NOXO1: variants seen among roughly 807,000 people sequenced by gnomAD.
NOXO1 encodes NADPH oxidase organizer 1, also known as NADPH oxidase regulatory protein.
NOXO1 carries 38 observed loss-of-function variants against 33.3 expected under a neutral mutation model. That is an observed-to-expected ratio of 1.14 (90% CI 0.88 to 1.50). The LOEUF (loss-of-function observed/expected upper bound fraction) is 1.50, where lower values mean the gene tolerates loss of function less well. Ranked by LOEUF, NOXO1 falls within the 40% of genes most tolerant of loss-of-function variation. The pLI is 0.00. For synonymous variants in NOXO1, 302 were observed against 237.3 expected, an observed-to-expected ratio of 1.27 and a Z score of -2.51; for missense variants, 675 against 527.1, an observed-to-expected ratio of 1.28 and a Z score of -2.75.
At chr16:1,979,967 G>A in intron 5 of NOXO1, 30 bp downstream of exon 5, 1 of 1,589,096 alleles carries the variant, frequency 6.3e-7, no homozygotes, top group Non-Finnish European at 8.6e-7. Flanking sequence ...GAGCAGAGGA[G>A]CAAATCCCTG....
chr16:1,980,879 G>T (rs369073249), intron 2 of NOXO1, 60 bp downstream of exon 2: 1 of 1,514,754 alleles, frequency 6.6e-7, no homozygotes, highest in Non-Finnish European at 9.1e-7. Flanking sequence ...GCAGTCCAGT[G>T]GGAGGCAGCC....
Position 1,978,956 on chromosome 16 carries a change from C to A in NOXO1, c.*96G>T. ...CTTTACTCAGAGGAACAGCAAATGG[C>A]CCCCTCCCATCCCTGCTGGCCAGGG... On this transcript the variant is annotated 3_prime_UTR_variant, in exon 8 of 8. Coordinates refer to ENST00000356120, the MANE Select transcript of NOXO1 (RefSeq NM_172167.3). 1 of 1,262,828 alleles carries A rather than the reference C, an allele frequency of 7.9e-7. No individual in the cohort carries two copies. Among genetic ancestry groups the A allele is most frequent in the Non-Finnish European group, 1.1e-6 (1 of 923,762 alleles). 78.2% of individuals were successfully genotyped at this position (1,262,828 alleles called of 1,614,324 possible).
rs1276417046 is a variant in NOXO1, at chr16:1,979,320, G to A, written c.848C>T (p.Ala283Val). Reference sequence around the variant, plus strand: ...CAGCCCTTCCGGCCGCAGCAGCACCGCGGGGAGTAGGCCCGCCCGGTCGCC... The same window carrying A: ...CAGCCCTTCCGGCCGCAGCAGCACCACGGGGAGTAGGCCCGCCCGGTCGCC... ...RYGDRAGLLP[A>V]VLLRPEGLGA... Residue 283 changes from alanine (A) to valine (V), a missense_variant, in exon 8 of 8, where the codon GCG becomes GTG. Physicochemically the swap from Ala to Val is moderately conservative, Grantham distance 64 (BLOSUM62 0). Transcript: ENST00000356120. 4 of 1,573,158 alleles carry A rather than the reference G, an allele frequency of 2.5e-6. No homozygotes were observed. The highest frequency in any genetic ancestry group is 2.6e-6 in the Non-Finnish European group (3 of 1,167,194).
At chr16:1,979,758 T>G (rs528933783) in intron 6 of NOXO1, 32 bp downstream of exon 6, 1 of 1,450,340 alleles carries the variant, frequency 6.9e-7, no homozygotes, top group East Asian at 2.5e-5. Context: ...CAAGCCGCAG[T>G]GGTGGCGTGA....
intron 3 of NOXO1, 36 bp from the exon 4 acceptor site, chr16:1,980,580 C>T: frequency 6.3e-7 from 1 of 1,595,748 alleles, no homozygotes; most frequent in Non-Finnish European, 8.5e-7. Context: ...TGATACGCCG[C>T]TTTGGGCTTC....
In NOXO1 at chr16:1,979,179, G is replaced by T; in HGVS notation, c.989C>A (p.Pro330His). 6.9e-7 allele frequency: 1 copy of T among 1,458,126 alleles called. No homozygotes were observed. Among genetic ancestry groups the T allele is most frequent in the East Asian group, 2.7e-5 (1 of 37,500 alleles). 90.3% of individuals were successfully genotyped at this position (1,458,126 alleles called of 1,614,324 possible). A position where few individuals can be genotyped will look rare whatever the true frequency, so the allele number is the denominator to read the frequency against. The change falls in exon 8 of 8, where the codon CCT becomes CAT. Residue 330 changes from proline (P) to histidine (H), a missense_variant. Pro to His is a moderately conservative substitution (Grantham distance 77). Transcript: ENST00000356120. ...TAPPPTVPTR[P>H]SPGAIQSRCC... The stretch of plus-strand genomic sequence containing the variant: ...GCGGCTCTGGATGGCGCCCGGCGAA[G>T]GTCGGGTGGGCACGGTGGGGGGAGG...
rs1370531793 is a variant in NOXO1, at chr16:1,979,317, A to G, written c.851T>C (p.Val284Ala). The G allele has an allele frequency of 1.9e-6, 3 of 1,573,238 alleles. No homozygotes were observed. The highest frequency in any genetic ancestry group is 3.5e-5 in the Admixed American group (2 of 57,170). ...YGDRAGLLPA[V>A]LLRPEGLGAL... is the part of the protein sequence containing the mutation. ...GCCCAGCCCTTCCGGCCGCAGCAGC[A>G]CCGCGGGGAGTAGGCCCGCCCGGTC... The change falls in exon 8 of 8, where the codon GTG (valine) becomes GCG (alanine). Residue 284 changes from valine to alanine, a missense_variant. By Grantham distance (64) the Val-to-Ala change is moderately conservative (BLOSUM62 0). Coordinates refer to ENST00000356120, the MANE Select transcript of NOXO1 (RefSeq NM_172167.3).
At position 1,980,001 on chromosome 16, in the gene NOXO1, G is replaced by C. The variant is rs2083465727; in HGVS notation, c.582C>G (p.Pro194=). 2 of 1,602,514 alleles carry C rather than the reference G, an allele frequency of 1.2e-6. No homozygotes were observed. The highest frequency in any genetic ancestry group is 1.3e-5 in the African/African-American group (1 of 74,806). The change falls in exon 5 of 8, where the codon CCC becomes CCG. Residue 194 remains proline (P), a synonymous_variant. Transcript: ENST00000356120. The part of the protein sequence containing the change: ...QESLDVLLRH[P]SGWWLVENED... Reference sequence around the variant, plus strand: ...TGGGTTCTTGGGGGGCCCTACCTGAGGGGTGCCGCAGCAGCACGTCCAGGC... The same window carrying C: ...TGGGTTCTTGGGGGGCCCTACCTGACGGGTGCCGCAGCAGCACGTCCAGGC...
chr16:1,980,072 T>C lies in NOXO1; in HGVS notation c.511A>G (p.Thr171Ala). 1 of 1,607,806 alleles carries C rather than the reference T, an allele frequency of 6.2e-7. No homozygotes were observed. The highest frequency in any genetic ancestry group is 1.1e-5 in the South Asian group (1 of 90,118). ...AAAGGCCTATCCCGCGTGTCCTGGG[T>C]ACAGAAGGGCTGCAGGCAGCGCAGG... is the stretch of plus-strand genomic sequence containing the variant. ...QSLRCLQPFCTQDTRDRPFQA... is the reference protein window; with the variant it reads ...QSLRCLQPFCAQDTRDRPFQA... Residue 171 changes from threonine to alanine, a missense_variant, in exon 5 of 8, where the codon ACC (threonine) becomes GCC (alanine). Physicochemically the swap from Thr to Ala is moderately conservative, Grantham distance 58. Coordinates refer to ENST00000356120, the MANE Select transcript of NOXO1 (RefSeq NM_172167.3).
rs1567330679 is a variant in NOXO1, at chr16:1,980,083, T to G, written c.500A>C (p.Gln167Pro). Reference protein sequence around the residue: ...SLEAQSLRCLQPFCTQDTRDR... With the variant: ...SLEAQSLRCLPPFCTQDTRDR... Reference sequence around the variant, plus strand: ...CCGCGTGTCCTGGGTACAGAAGGGCTGCAGGCAGCGCAGGCTCTGAGCCTC... The same window carrying G: ...CCGCGTGTCCTGGGTACAGAAGGGCGGCAGGCAGCGCAGGCTCTGAGCCTC... The change falls in exon 5 of 8, where the codon CAG (glutamine) becomes CCG (proline). Residue 167 changes from glutamine (Q) to proline (P), a missense_variant. Transcript: ENST00000356120. 1.2e-6 allele frequency: 2 copies of G among 1,607,178 alleles called. No homozygotes were observed.
Position 1,981,146 on chromosome 16 carries a change from C to A in NOXO1, c.34G>T (p.Gly12Trp). The change falls in exon 1 of 8, where the codon GGG becomes TGG. Residue 12 changes from glycine to tryptophan, a missense_variant. Physicochemically the swap from Gly to Trp is radical, Grantham distance 184 (BLOSUM62 -2). Transcript: ENST00000356120. ...CTCTTGATCTGCACCAGGGCTGCCC[C>A]TTGCACTGAAACTGGGTATCGGGGG... ...AGPRYPVSVQ[G>W]AALVQIKRLQ... 6.2e-7 allele frequency: 1 copy of A among 1,613,590 alleles called. No individual in the cohort carries two copies. Among genetic ancestry groups the A allele is most frequent in the Non-Finnish European group, 8.5e-7 (1 of 1,180,018 alleles).
In NOXO1 at chr16:1,979,169, G is replaced by T. The variant is rs1271373625; in HGVS notation, c.999C>A (p.Gly333=). The T allele has an allele frequency of 1.4e-6, 2 of 1,457,584 alleles. No homozygotes were observed. The highest frequency in any genetic ancestry group is 1.4e-5 in the South Asian group (1 of 73,600). 90.3% of individuals were successfully genotyped at this position (1,457,584 alleles called of 1,614,324 possible). A position where few individuals can be genotyped will look rare whatever the true frequency, so the allele number is the denominator to read the frequency against. ...CGGTGCAGCAGCGGCTCTGGATGGCGCCCGGCGAAGGTCGGGTGGGCACGG... is the reference window on the plus strand; with the variant it reads ...CGGTGCAGCAGCGGCTCTGGATGGCTCCCGGCGAAGGTCGGGTGGGCACGG... ...PPTVPTRPSP[G]AIQSRCCTVT... Residue 333 remains glycine (G), a synonymous_variant, in exon 8 of 8, where the codon GGC becomes GGA. Transcript: ENST00000356120.
At position 1,981,255 on chromosome 16, in the gene NOXO1, G is replaced by C; in HGVS notation, c.-76C>G. 1 of 1,593,336 alleles carries C rather than the reference G, an allele frequency of 6.3e-7. No individual in the cohort carries two copies. Among genetic ancestry groups the C allele is most frequent in the Non-Finnish European group, 8.5e-7 (1 of 1,170,700 alleles). ...CCTCCCCGTGCTTGAGAGGGCTCTG[G>C]GGGACCCAGAAAACCCCCTGGGATA... On this transcript the variant is annotated 5_prime_UTR_variant, in exon 1 of 8. Transcript: ENST00000356120.
rs1163728944 is a variant in NOXO1, at chr16:1,979,492, G to A, written c.751C>T (p.Leu251=). Residue 251 remains leucine, a synonymous_variant, in exon 7 of 8, where the codon CTG becomes TTG. Coordinates refer to ENST00000356120, the MANE Select transcript of NOXO1 (RefSeq NM_172167.3). ...ACGCGCGCCCCCGCGGGCACGGACAGCTCATCTGCGCGGCTGCTCTCGTAG... is the reference window on the plus strand; with the variant it reads ...ACGCGCGCCCCCGCGGGCACGGACAACTCATCTGCGCGGCTGCTCTCGTAG... ...RAYESSRADE[L]SVPAGARVRV... is the part of the protein sequence containing the mutation. 6 of 1,611,810 alleles carry A rather than the reference G, an allele frequency of 3.7e-6. No individual in the cohort carries two copies. The highest frequency in any genetic ancestry group is 4.2e-6 in the Non-Finnish European group (5 of 1,179,476).
At chr16:1,979,570 C>T (rs1460528692) in intron 6 of NOXO1, 28 bp from the exon 7 acceptor site, 8 of 1,571,970 alleles carry the variant, frequency 5.1e-6, no homozygotes, top group Non-Finnish European at 7.0e-6. Flanking sequence ...TTGGAGTCAC[C>T]GCGGGGCCAC....
rs1489306682 is a variant in NOXO1 at position 1,979,554 on chromosome 16, G to C, written c.701-12C>G. The C allele has an allele frequency of 6.2e-7, 1 of 1,602,070 alleles. No homozygotes were observed. ...ACAGAACTGGGGACCTGGTGGGAGTGGGTGTTTGGAGTCACCGCGGGGCCA... is the reference window on the plus strand; with the variant it reads ...ACAGAACTGGGGACCTGGTGGGAGTCGGTGTTTGGAGTCACCGCGGGGCCA... On this transcript the variant is annotated splice_polypyrimidine_tract_variant and intron_variant, in intron 6 of 7. Transcript: ENST00000356120.
In NOXO1 at chr16:1,979,253, G is replaced by A; in HGVS notation, c.915C>T (p.Asp305=). The A allele has an allele frequency of 1.3e-6, 2 of 1,522,610 alleles. No individual in the cohort carries two copies. The highest frequency in any genetic ancestry group is 1.2e-5 in the South Asian group (1 of 82,666). 94.3% of individuals were successfully genotyped at this position (1,522,610 alleles called of 1,614,324 possible). Residue 305 remains aspartate, a synonymous_variant, in exon 8 of 8, where the codon GAC becomes GAT. Coordinates refer to ENST00000356120, the MANE Select transcript of NOXO1 (RefSeq NM_172167.3). The part of the protein sequence containing the change: ...LSGTGFRGGD[D]PAGEARGFPE... Reference sequence around the variant, plus strand: ...GGAAGCCCCGGGCCTCACCCGCCGGGTCGTCTCCTCCACGGAACCCCGTCC... The same window carrying A: ...GGAAGCCCCGGGCCTCACCCGCCGGATCGTCTCCTCCACGGAACCCCGTCC...
chr16:1,979,898 A>ACCAGCCT lies in NOXO1; in HGVS notation c.587-2_591dup (p.Trp198ArgfsTer55). Reference sequence around the variant, plus strand: ...TGCCGGTCTTCGTTCTCCACCAGCCACCAGCCTGTGCGCAAGAAGCGGGCA... The same window carrying ACCAGCCT: ...TGCCGGTCTTCGTTCTCCACCAGCCACCAGCCTCCAGCCTGTGCGCAAGAAGCGGGCA... On this transcript the variant is annotated frameshift_variant, in exon 6 of 8. Transcript: ENST00000356120. LOFTEE classifies it high-confidence loss of function. 6.3e-7 allele frequency: 1 copy of ACCAGCCT among 1,582,434 alleles called. No individual in the cohort carries two copies. The highest frequency in any genetic ancestry group is 8.6e-7 in the Non-Finnish European group (1 of 1,165,240).
At chr16:1,980,823 G>T in intron 2 of NOXO1, 92 bp from the exon 3 acceptor site, 1 of 1,471,244 alleles carries the variant, frequency 6.8e-7, no homozygotes, top group Non-Finnish European at 9.3e-7. Context: ...GGGGCTGGGA[G>T]CTTCAGCAGG....
Sources: allele counts gnomAD v4.1 joint callset, GRCh38; gene constraint gnomAD v4.1.1; transcripts MANE v1.5; gene names NCBI Gene and HGNC (gene_info 2026-07-23, HGNC 2026-07-21).